Variants in KLHDC8B observed in about 807,000 individuals in gnomAD.
KLHDC8B encodes kelch domain containing 8B, also known as kelch domain-containing protein 8B.
In KLHDC8B, 19 loss-of-function variants were observed where a neutral mutation model predicts 26.3. The ratio of observed to expected loss-of-function variants is 0.72; its 90% CI spans 0.50 to 1.06. The LOEUF (loss-of-function observed/expected upper bound fraction) is 1.06. KLHDC8B is among the 50% of genes least tolerant of loss of function. The pLI is 0.00. For missense variants in KLHDC8B, 411 were observed against 488.1 expected, an observed-to-expected ratio of 0.84 and a Z score of 1.49; for synonymous variants, 150 against 188.4, an observed-to-expected ratio of 0.80 and a Z score of 1.67.
At chr3:49,172,501 C>T in intron 1 of KLHDC8B, 135 bp from the exon 2 acceptor site, 1 of 517,716 alleles carries the variant, frequency 1.9e-6, no homozygotes, top group Non-Finnish European at 3.5e-6. Context: ...GGTGTGCTAG[C>T]CAGAGGGGTT....
At position 49,173,132 on chromosome 3, in the gene KLHDC8B, A is replaced by T; in HGVS notation, c.363A>T (p.Ala121=). The part of the protein sequence containing the change: ...ATLPQAAMGV[A]TVERDGMVYA... ...TCCCTCAAGCAGCCATGGGGGTTGC[A>T]ACTGTGGAGAGAGGTGAGTGGCCTC... Residue 121 remains alanine (A), a synonymous_variant, in exon 2 of 6, where the codon GCA becomes GCT. Transcript: ENST00000332780. 1 of 1,570,932 alleles carries T rather than the reference A, an allele frequency of 6.4e-7. No individual in the cohort carries two copies. Among genetic ancestry groups the T allele is most frequent in the South Asian group, 1.2e-5 (1 of 86,256 alleles).
chr3:49,175,260 CA>C, intron 5 of KLHDC8B, 97 bp downstream of exon 5: 1 of 943,644 alleles, frequency 1.1e-6, no homozygotes, highest in Non-Finnish European at 1.6e-6. Context: ...CCAGGCACTC[CA>C]GGGGTCAGGG....
chr3:49,175,735 T>C lies in KLHDC8B; in HGVS notation c.999T>C (p.Val333=), dbSNP rs138843346. The change falls in exon 6 of 6, where the codon GTT becomes GTC. Residue 333 remains valine (V), a synonymous_variant. Transcript: ENST00000332780. ...TGCAGGCTGGGCCCCGGCTGTTTGT[T>C]ATTGGGGGTGTGGCCCAGGGCCCCA... is the stretch of plus-strand genomic sequence containing the variant. ...SSLQAGPRLF[V]IGGVAQGPSQ... is the part of the protein sequence containing the mutation. The C allele has an allele frequency of 2.5e-6, 4 of 1,613,854 alleles. No individual in the cohort carries two copies. Among genetic ancestry groups the C allele is most frequent in the Non-Finnish European group, 3.4e-6 (4 of 1,179,970 alleles).
At chr3:49,174,458 C>T in intron 3 of KLHDC8B, 55 bp downstream of exon 3, 2 of 1,555,578 alleles carry the variant, frequency 1.3e-6, no homozygotes, top group Non-Finnish European at 1.8e-6. Context: ...TCCTCATCCT[C>T]ATAGGTTGGC....
intron 3 of KLHDC8B, among the ~76,000 whole-genome samples, 154 bp downstream of exon 3, chr3:49,174,557 G>A (rs1268512667): frequency 1.3e-5 from 2 of 152,156 alleles, no homozygotes; most frequent in African/African-American, 2.4e-5. Flanking sequence ...TCTGACCCCT[G>A]GTGGTCTTGC....
Position 49,172,975 on chromosome 3 carries a change from G to A in KLHDC8B, c.206G>A (p.Arg69Gln), listed in dbSNP as rs548119617. 3 of 1,613,952 alleles carry A rather than the reference G, an allele frequency of 1.9e-6. No individual in the cohort carries two copies. The highest frequency in any genetic ancestry group is 1.7e-5 in the Admixed American group (1 of 60,008). The change falls in exon 2 of 6, where the codon CGG becomes CAG. Residue 69 changes from arginine to glutamine, a missense_variant. Transcript: ENST00000332780. ...WLALAPLPTA[R>Q]AGAAAVVLGK... ...GCACTGGCACCCCTGCCCACTGCCC[G>A]GGCTGGTGCAGCTGCGGTAGTTCTG...
intron 5 of KLHDC8B, among the ~76,000 whole-genome samples, 157 bp from the exon 6 acceptor site, chr3:49,175,448 T>G (rs79425935): frequency 6.6e-6 from 1 of 152,128 alleles, no homozygotes; most frequent in African/African-American, 2.4e-5. Flanking sequence ...GAAACATAAA[T>G]GAATGAACAA....
Position 49,175,060 on chromosome 3 carries a change from A to G in KLHDC8B, c.767-2A>G. The G allele has an allele frequency of 6.2e-7, 1 of 1,614,068 alleles. No individual in the cohort carries two copies. Among genetic ancestry groups the G allele is most frequent in the Non-Finnish European group, 8.5e-7 (1 of 1,179,964 alleles). On this transcript the variant is annotated splice_acceptor_variant, in intron 4 of 5. Coordinates refer to ENST00000332780, the MANE Select transcript of KLHDC8B (RefSeq NM_173546.3). LOFTEE classifies it high-confidence loss of function. ...CTAGATCTGACCTCCCCTCTCCTGC[A>G]GGGTCCTGGACCAAATTGCCCCGCA...
At position 49,172,698 on chromosome 3, in the gene KLHDC8B, G is replaced by A. The variant is rs1451672011; in HGVS notation, c.-72G>A. ...GTGGCCCTGGCAGAATCAAGATGAG[G>A]CCCTGTCATGCCTCCCCAGTGAGGC... is the stretch of plus-strand genomic sequence containing the variant. On this transcript the variant is annotated 5_prime_UTR_variant, in exon 2 of 6. Coordinates refer to ENST00000332780, the MANE Select transcript of KLHDC8B (RefSeq NM_173546.3). The A allele has an allele frequency of 4.7e-6, 7 of 1,486,496 alleles. No homozygotes were observed. In the East Asian group the frequency reaches 1.6e-4, roughly 34 times the overall value. 92.1% of individuals were successfully genotyped at this position (1,486,496 alleles called of 1,614,324 possible). A position where few individuals can be genotyped will look rare whatever the true frequency, so the allele number is the denominator to read the frequency against.
rs888281107 is a variant in KLHDC8B at position 49,176,067 on chromosome 3, C to T, written c.*266C>T. 33 of 458,608 alleles carry T rather than the reference C, an allele frequency of 7.2e-5. No individual in the cohort carries two copies. Among genetic ancestry groups the T allele is most frequent in the South Asian group, 6.1e-4 (19 of 30,960 alleles). The allele number at this position is 458,608 out of a possible 1,614,324, so 28.4% of individuals were successfully genotyped here. On this transcript the variant is annotated 3_prime_UTR_variant, in exon 6 of 6. Transcript: ENST00000332780. Reference sequence around the variant, plus strand: ...CTTGCCCTGGGACCTACTAGGCCTTCCATCCAACTGGGAAATGGGGAGAAG... The same window carrying T: ...CTTGCCCTGGGACCTACTAGGCCTTTCATCCAACTGGGAAATGGGGAGAAG...
At position 49,175,148 on chromosome 3, in the gene KLHDC8B, G is replaced by A. The variant is rs772715582; in HGVS notation, c.853G>A (p.Ala285Thr). The change falls in exon 5 of 6, where the codon GCC becomes ACC. Residue 285 changes from alanine to threonine, a missense_variant. Transcript: ENST00000332780. ...TGGGTCCCTTGGGGGCCACATTGTG[G>A]CCATTGGGGGCCTTGGTAAGTCTCT... is the stretch of plus-strand genomic sequence containing the variant. ...VVGSLGGHIVAIGGLGNQPCP... is the reference protein window; with the variant it reads ...VVGSLGGHIVTIGGLGNQPCP... 1.2e-6 allele frequency: 2 copies of A among 1,613,956 alleles called. No homozygotes were observed. The highest frequency in any genetic ancestry group is 3.3e-5 in the Admixed American group (2 of 60,026).
chr3:49,172,706 A>T lies in KLHDC8B; in HGVS notation c.-64A>T. On this transcript the variant is annotated 5_prime_UTR_variant, in exon 2 of 6. An upstream start codon of the reference 5' UTR is lost. Transcript: ENST00000332780. ...GGCAGAATCAAGATGAGGCCCTGTC[A>T]TGCCTCCCCAGTGAGGCCTACAGTC... is the stretch of plus-strand genomic sequence containing the variant. 6.5e-7 allele frequency: 1 copy of T among 1,529,416 alleles called. No individual in the cohort carries two copies. The highest frequency in any genetic ancestry group is 8.9e-7 in the Non-Finnish European group (1 of 1,129,204). The allele number at this position is 1,529,416 out of a possible 1,614,324, so 94.7% of individuals were successfully genotyped here.
Position 49,174,878 on chromosome 3 carries a change from C to T in KLHDC8B, c.678C>T (p.Ser226=). ...CCATGGCTGAAGGCAGCGTCTTTAG[C>T]CTGGGTGGCCTGCAGCAGCCTGGGC... ...GCAMAEGSVF[S]LGGLQQPGPH... is the part of the protein sequence containing the mutation. The change falls in exon 4 of 6, where the codon AGC becomes AGT. Residue 226 remains serine, a synonymous_variant. Coordinates refer to ENST00000332780, the MANE Select transcript of KLHDC8B (RefSeq NM_173546.3). 1 of 1,614,196 alleles carries T rather than the reference C, an allele frequency of 6.2e-7. No homozygotes were observed. The highest frequency in any genetic ancestry group is 8.5e-7 in the Non-Finnish European group (1 of 1,180,050).
At chr3:49,174,994 T>TC (rs1256049098) in intron 4 of KLHDC8B, 28 bp downstream of exon 4, 1 of 1,613,822 alleles carries the variant, frequency 6.2e-7, no homozygotes, top group African/African-American at 1.3e-5. Context: ...TGGGCTGTCC[T>TC]CCCGCTCTCT....
chr3:49,175,966 G>T lies in KLHDC8B; in HGVS notation c.*165G>T. 1 of 639,946 alleles carries T rather than the reference G, an allele frequency of 1.6e-6. No individual in the cohort carries two copies. The highest frequency in any genetic ancestry group is 2.7e-6 in the Non-Finnish European group (1 of 365,470). The allele number at this position is 639,946 out of a possible 1,614,324, so 39.6% of individuals were successfully genotyped here. A position where few individuals can be genotyped will look rare whatever the true frequency, so the allele number is the denominator to read the frequency against. ...GGGGCCTTGGGTTAGGGGAGCCTTT[G>T]TCTTTAGTGCAGGACACACATATGC... On this transcript the variant is annotated 3_prime_UTR_variant, in exon 6 of 6. Transcript: ENST00000332780.
Position 49,172,812 on chromosome 3 carries a change from C to A in KLHDC8B, c.43C>A (p.Pro15Thr), listed in dbSNP as rs1381190455. The change falls in exon 2 of 6, where the codon CCC becomes ACC. Residue 15 changes from proline (P) to threonine (T), a missense_variant. Coordinates refer to ENST00000332780, the MANE Select transcript of KLHDC8B (RefSeq NM_173546.3). ...GGRAFAWQVF[P>T]PMPTCRVYGT... ...CCGGGCCTTTGCTTGGCAAGTGTTC[C>A]CCCCCATGCCCACTTGCCGGGTCTA... is the stretch of plus-strand genomic sequence containing the variant. The A allele has an allele frequency of 6.2e-7, 1 of 1,613,960 alleles. No individual in the cohort carries two copies. Among genetic ancestry groups the A allele is most frequent in the Non-Finnish European group, 8.5e-7 (1 of 1,179,952 alleles).
At chr3:49,173,211 C>A in intron 2 of KLHDC8B, 66 bp downstream of exon 2, 1 of 1,447,958 alleles carries the variant, frequency 6.9e-7, no homozygotes, top group Non-Finnish European at 9.2e-7. Flanking sequence ...CTGACTTAGT[C>A]CCTTACCCTC....
chr3:49,173,755 T>C (rs1282110970), intron 2 of KLHDC8B, among the ~76,000 whole-genome samples: 1 of 152,184 alleles, frequency 6.6e-6, no homozygotes, highest in Non-Finnish European at 1.5e-5. Context: ...ACAGTATCTT[T>C]ACCCAGCAGA....
intron 2 of KLHDC8B, among the ~76,000 whole-genome samples, chr3:49,174,000 A>G (rs1408326548): frequency 6.6e-6 from 1 of 152,164 alleles, no homozygotes; most frequent in Non-Finnish European, 1.5e-5. Context: ...CCAGGGAGAC[A>G]GAGTCGGATT....
Sources: gnomAD v4.1 joint callset for allele counts (sites outside exome capture counted in the v4.1 genomes callset) on GRCh38, gnomAD v4.1.1 for gene constraint, MANE v1.5 for transcripts, NCBI Gene and HGNC (gene_info 2026-07-23, HGNC 2026-07-21) for gene names.